Variants in GPR39 observed in about 807,000 individuals in gnomAD.
The protein encoded by GPR39 is G protein-coupled receptor 39, also known as zinc sensing receptor.
In GPR39, 23 loss-of-function variants were observed where a neutral mutation model predicts 18.4. The ratio of observed to expected loss-of-function variants is 1.25; its 90% CI spans 0.90 to 1.77. The LOEUF (loss-of-function observed/expected upper bound fraction) is 1.77. Among genes scored for constraint, GPR39 ranks in the 40% most tolerant of loss-of-function variants. The pLI, the probability that GPR39 is intolerant of heterozygous loss-of-function variation, is 0.00. For missense variants in GPR39, 647 were observed against 602.4 expected (o/e 1.07, Z -0.78); for synonymous variants, 280 against 257.9 (o/e 1.09, Z -0.82).
chr2:132,470,884 G>T (rs1265328912), intron 1 of GPR39, among the ~76,000 whole-genome samples: 1 of 152,132 alleles, frequency 6.6e-6, no homozygotes, highest in African/African-American at 2.4e-5. Flanking sequence ...CAAGGGACTA[G>T]TTTCTCTCCT....
At chr2:132,637,163 G>C (rs143334656) in intron 1 of GPR39, among the ~76,000 whole-genome samples, 5 of 152,372 alleles carry the variant, frequency 3.3e-5, no homozygotes, top group African/African-American at 1.2e-4. Flanking sequence ...AAACCACAAT[G>C]ATGACCCTAA....
intron 1 of GPR39, among the ~76,000 whole-genome samples, chr2:132,545,986 C>T (rs1679941775): frequency 6.6e-6 from 1 of 152,212 alleles, no homozygotes; most frequent in Non-Finnish European, 1.5e-5. Context: ...CAAGAGGTTT[C>T]ACATTCAGTC....
chr2:132,540,652 A>C (rs1291647032), intron 1 of GPR39, among the ~76,000 whole-genome samples: 1 of 152,116 alleles, frequency 6.6e-6, no homozygotes, highest in Non-Finnish European at 1.5e-5. Context: ...TTGCCTGGCC[A>C]CCTGGGTTGG....
intron 1 of GPR39, among the ~76,000 whole-genome samples, chr2:132,427,890 A>AG: frequency 7.6e-6 from 1 of 131,260 alleles, no homozygotes; most frequent in South Asian, 2.3e-4. Flanking sequence ...TATATATATA[A>AG]TATATATATA....
At chr2:132,499,831 T>G (rs1678979572) in intron 1 of GPR39, among the ~76,000 whole-genome samples, 1 of 152,160 alleles carries the variant, frequency 6.6e-6, no homozygotes, top group Non-Finnish European at 1.5e-5. Context: ...TATTTATTTA[T>G]TTATTTGCAG....
rs1681991761 is a variant in GPR39, at chr2:132,645,211, A to ATGATCCTCCTCCCCTTCTCGGAGACGT, written c.969_995dup (p.Thr331_Phe332insLeuIleLeuLeuProPheSerGluThr). The ATGATCCTCCTCCCCTTCTCGGAGACGT allele has an allele frequency of 6.2e-7, 1 of 1,614,000 alleles. No homozygotes were observed. Among genetic ancestry groups the ATGATCCTCCTCCCCTTCTCGGAGACGT allele is most frequent in the East Asian group, 2.2e-5 (1 of 44,882 alleles). Reference sequence around the variant, plus strand: ...GACGAGGTCCTACTTCCGGGCGTACATGATCCTCCTCCCCTTCTCGGAGAC... The same window carrying ATGATCCTCCTCCCCTTCTCGGAGACGT: ...GACGAGGTCCTACTTCCGGGCGTACATGATCCTCCTCCCCTTCTCGGAGACGTTGATCCTCCTCCCCTTCTCGGAGAC... On this transcript the variant is annotated inframe_insertion, in exon 2 of 2. Coordinates refer to ENST00000329321, the MANE Select transcript of GPR39 (RefSeq NM_001508.3).
chr2:132,483,522 C>T (rs1016639752), intron 1 of GPR39, among the ~76,000 whole-genome samples: 5 of 152,320 alleles, frequency 3.3e-5, no homozygotes, highest in East Asian at 3.9e-4. Context: ...TCATTCAGGC[C>T]GTGATTGGCC....
At chr2:132,621,521 C>T (rs1449272569) in intron 1 of GPR39, among the ~76,000 whole-genome samples, 31 of 152,210 alleles carry the variant, frequency 2.0e-4, no homozygotes, top group Admixed American at 2.0e-3. Flanking sequence ...ATCAGCACTG[C>T]CAGCTCTCTG....
chr2:132,438,254 A>G (rs549962433), intron 1 of GPR39, among the ~76,000 whole-genome samples: 5 of 152,224 alleles, frequency 3.3e-5, no homozygotes, highest in Admixed American at 6.5e-5. Flanking sequence ...TCTGACTCCA[A>G]TAGGAGGATC....
intron 1 of GPR39, among the ~76,000 whole-genome samples, chr2:132,594,390 C>T (rs998649317): frequency 1.3e-5 from 2 of 151,694 alleles, no homozygotes; most frequent in Non-Finnish European, 2.9e-5. Flanking sequence ...CATGTCTTGC[C>T]TCCTCAATAG....
chr2:132,582,277 A>G (rs182267993), intron 1 of GPR39, among the ~76,000 whole-genome samples: 196 of 152,334 alleles, frequency 1.3e-3, no homozygotes, highest in Admixed American at 1.9e-3. Flanking sequence ...AAACAAAACC[A>G]TCTTCTTGCA....
At chr2:132,511,928 G>T (rs192825864) in intron 1 of GPR39, among the ~76,000 whole-genome samples, 37 of 152,202 alleles carry the variant, frequency 2.4e-4, no homozygotes, top group Admixed American at 1.1e-3. Flanking sequence ...GTATCGAAAA[G>T]TGCACGAACT....
At chr2:132,511,315 T>C (rs977657111) in intron 1 of GPR39, among the ~76,000 whole-genome samples, 7 of 152,226 alleles carry the variant, frequency 4.6e-5, no homozygotes, top group Non-Finnish European at 7.3e-5. Flanking sequence ...AATTAAACTG[T>C]GTGCTTCACT....
chr2:132,482,219 A>G (rs1340000102), intron 1 of GPR39, among the ~76,000 whole-genome samples: 1 of 152,182 alleles, frequency 6.6e-6, no homozygotes, highest in Non-Finnish European at 1.5e-5. Flanking sequence ...TCTCTGTGTC[A>G]TGGGAATTCA....
chr2:132,553,351 A>ATATATATGTATATATG (rs143414095), intron 1 of GPR39, among the ~76,000 whole-genome samples: 2 of 149,148 alleles, frequency 1.3e-5, no homozygotes, highest in African/African-American at 2.4e-5. Flanking sequence ...ATATGTGTAT[A>ATATATATGTATATATG]TATATATGTA....
At position 132,532,307 on chromosome 2, in the gene GPR39, C is replaced by A. The variant is rs551043447; in HGVS notation, c.857-112794C>A. 2.0e-4 allele frequency among the ~76,000 whole-genome samples: 31 copies of A among 152,300 alleles called. No homozygotes were observed. In the Middle Eastern group the frequency reaches 0.02, roughly 100 times the overall value. On this transcript the variant is annotated intron_variant, in intron 1 of 1. Coordinates refer to ENST00000329321, the MANE Select transcript of GPR39 (RefSeq NM_001508.3). Reference sequence around the variant, plus strand: ...AGACTAAACCAGGAAGAAGTTGAATCTCTGGATAGACCAACAACAGGCTCT... The same window carrying A: ...AGACTAAACCAGGAAGAAGTTGAATATCTGGATAGACCAACAACAGGCTCT...
chr2:132,531,728 A>C (rs986378306), intron 1 of GPR39, among the ~76,000 whole-genome samples: 16 of 152,248 alleles, frequency 1.1e-4, no homozygotes, highest in African/African-American at 3.9e-4. Flanking sequence ...TGGAAACTGA[A>C]CAACCTGCTC....
chr2:132,524,044 A>G (rs1192895060), intron 1 of GPR39: 1 of 152,632 alleles, frequency 6.6e-6, no homozygotes, highest in Non-Finnish European at 1.5e-5. Flanking sequence ...CTGGGAGTGG[A>G]GCCCAGGAAT....
chr2:132,563,649 C>T (rs1456680701), intron 1 of GPR39, among the ~76,000 whole-genome samples: 2 of 152,202 alleles, frequency 1.3e-5, no homozygotes, highest in Non-Finnish European at 2.9e-5. Context: ...AGCTTCTCAA[C>T]CCTGGCTGCT....
Sources: allele counts gnomAD v4.1 joint callset (sites outside exome capture counted in the v4.1 genomes callset), GRCh38; gene constraint gnomAD v4.1.1; transcripts MANE v1.5; gene names NCBI Gene and HGNC (gene_info 2026-07-23, HGNC 2026-07-21).